The following XRCC4 variants were observed in gnomAD, a reference collection of about 807,000 sequenced individuals.
The protein encoded by XRCC4 is X-ray repair cross complementing 4.
Under a neutral mutation model 39.1 loss-of-function variants are expected in XRCC4, and 28 were observed. The observed-to-expected ratio is 0.72, with a 90% CI of 0.53 to 0.98. The LOEUF is 0.98. Among genes scored for constraint, XRCC4 ranks in the 50% least tolerant of loss-of-function variants. XRCC4 has a pLI of 0.00. For synonymous variants in XRCC4, 123 were observed against 126.4 expected (o/e 0.97, Z 0.18); for missense variants, 350 against 376.4 (o/e 0.93, Z 0.58).
chr5:83,204,797 A>G lies in XRCC4; in HGVS notation c.639-18A>G, dbSNP rs921101939. 5 of 1,595,284 alleles carry G rather than the reference A, an allele frequency of 3.1e-6. No homozygotes were observed. Among genetic ancestry groups the G allele is most frequent in the Middle Eastern group, 3.3e-4 (2 of 6,004 alleles). ...GGGTGAGCCAGTTATTTATAATTCT[A>G]CCTTTCTCTGTTTCTAGGGAAACTG... On this transcript the variant is annotated intron_variant, in intron 5 of 7. Coordinates refer to ENST00000396027, the MANE Select transcript of XRCC4 (RefSeq NM_003401.5).
chr5:83,127,647 G>C (rs1747337775), intron 3 of XRCC4, among the ~76,000 whole-genome samples: 1 of 152,032 alleles, frequency 6.6e-6, no homozygotes, highest in Non-Finnish European at 1.5e-5. Context: ...TCAACAGTGT[G>C]AGGAAATGGG....
Position 83,111,030 on chromosome 5 carries a change from T to G in XRCC4, c.142T>G (p.Ser48Ala). Reference protein sequence around the residue: ...DGHSAWTGTVSESEISQEADD... With the variant: ...DGHSAWTGTVAESEISQEADD... ...ACTTTTGTTAATATTTCCCATAGTTTCTGAATCAGAGATTTCCCAAGAAGC... is the reference window on the plus strand; with the variant it reads ...ACTTTTGTTAATATTTCCCATAGTTGCTGAATCAGAGATTTCCCAAGAAGC... The change falls in exon 3 of 8, where the codon TCT (serine) becomes GCT (alanine). Residue 48 changes from serine (S) to alanine (A), a missense_variant and splice_region_variant. By Grantham distance (99) the Ser-to-Ala change is moderately conservative (BLOSUM62 1). Transcript: ENST00000396027. 1 of 1,604,216 alleles carries G rather than the reference T, an allele frequency of 6.2e-7. No homozygotes were observed. Among genetic ancestry groups the G allele is most frequent in the East Asian group, 2.2e-5 (1 of 44,636 alleles).
chr5:83,099,326 G>C (rs1745817846), intron 1 of XRCC4, among the ~76,000 whole-genome samples: 1 of 152,092 alleles, frequency 6.6e-6, no homozygotes, highest in African/African-American at 2.4e-5. Flanking sequence ...TACTATAAAG[G>C]AAAATAAAAG....
chr5:83,251,635 G>T (rs1316144710), intron 6 of XRCC4, among the ~76,000 whole-genome samples: 1 of 152,024 alleles, frequency 6.6e-6, no homozygotes. Flanking sequence ...TACTTCTGGG[G>T]TCTGTGGTTT....
chr5:83,093,126 A>G (rs1745508490), intron 1 of XRCC4, among the ~76,000 whole-genome samples: 1 of 152,124 alleles, frequency 6.6e-6, no homozygotes, highest in Non-Finnish European at 1.5e-5. Context: ...ATGGAAAAAG[A>G]TATTCTACAC....
chr5:83,305,180 C>G (rs1755436809), intron 7 of XRCC4, among the ~76,000 whole-genome samples: 1 of 152,094 alleles, frequency 6.6e-6, no homozygotes, highest in Non-Finnish European at 1.5e-5. Context: ...ATACCTCATA[C>G]TCAGTTTCTC....
chr5:83,108,986 A>G (rs1308583396), intron 2 of XRCC4, among the ~76,000 whole-genome samples: 1 of 151,744 alleles, frequency 6.6e-6, no homozygotes, highest in African/African-American at 2.4e-5. Flanking sequence ...ATATATGAAT[A>G]TAAGCTATTT....
intron 7 of XRCC4, among the ~76,000 whole-genome samples, chr5:83,308,252 T>TA (rs536849053): frequency 2.2e-4 from 34 of 152,324 alleles, no homozygotes; most frequent in Admixed American, 6.5e-4. Context: ...AGAAAGTACT[T>TA]AATCATTCTC....
chr5:83,184,720 C>T (rs553711268), intron 3 of XRCC4, among the ~76,000 whole-genome samples: 5 of 152,198 alleles, frequency 3.3e-5, no homozygotes, highest in African/African-American at 7.2e-5. Flanking sequence ...ACAGAATCTA[C>T]GCAACAGCAA....
chr5:83,086,507 A>G (rs1408581497), intron 1 of XRCC4, among the ~76,000 whole-genome samples: 1 of 152,220 alleles, frequency 6.6e-6, no homozygotes, highest in Non-Finnish European at 1.5e-5. Context: ...GTGGAAGTCG[A>G]TCATCATAAA....
intron 3 of XRCC4, among the ~76,000 whole-genome samples, chr5:83,136,340 T>G (rs1482255035): frequency 6.6e-6 from 1 of 152,214 alleles, no homozygotes; most frequent in African/African-American, 2.4e-5. Context: ...CTGAGATATT[T>G]TCTTCCTTTC....
chr5:83,099,127 T>G (rs949623936), intron 1 of XRCC4, among the ~76,000 whole-genome samples: 1 of 152,196 alleles, frequency 6.6e-6, no homozygotes, highest in Non-Finnish European at 1.5e-5. Flanking sequence ...CAGCATATGC[T>G]GTGTGCTAAT....
At chr5:83,215,785 A>G (rs1751835910) in intron 6 of XRCC4, among the ~76,000 whole-genome samples, 1 of 152,168 alleles carries the variant, frequency 6.6e-6, no homozygotes, top group Admixed American at 6.5e-5. Flanking sequence ...AAAAACAGTT[A>G]CACAGGTGTT....
At chr5:83,350,435 T>C (rs1757044947) in intron 7 of XRCC4, among the ~76,000 whole-genome samples, 1 of 152,168 alleles carries the variant, frequency 6.6e-6, no homozygotes, top group African/African-American at 2.4e-5. Context: ...ATATTATTAT[T>C]TGACTTTTTA....
At chr5:83,281,550 C>G (rs1289676840) in intron 7 of XRCC4, among the ~76,000 whole-genome samples, 1 of 151,102 alleles carries the variant, frequency 6.6e-6, no homozygotes, top group Non-Finnish European at 1.5e-5. Flanking sequence ...AAAATTGAAA[C>G]CTTTTATGGC....
At chr5:83,119,933 G>C (rs1746917384) in intron 3 of XRCC4, among the ~76,000 whole-genome samples, 1 of 150,496 alleles carries the variant, frequency 6.6e-6, no homozygotes, top group African/African-American at 2.5e-5. Flanking sequence ...GATAAGCTAA[G>C]GTTGTGCCAG....
intron 6 of XRCC4, among the ~76,000 whole-genome samples, chr5:83,230,482 T>A (rs1429951749): frequency 2.0e-5 from 3 of 152,088 alleles, no homozygotes; most frequent in Non-Finnish European, 4.4e-5. Flanking sequence ...TCATTTCTGT[T>A]ACAAAGGAGA....
At chr5:83,213,483 A>G (rs1459425029) in intron 6 of XRCC4, among the ~76,000 whole-genome samples, 3 of 152,170 alleles carry the variant, frequency 2.0e-5, no homozygotes, top group South Asian at 2.1e-4. Context: ...TAATATAGCT[A>G]TATGAGAGCA....
intron 7 of XRCC4, among the ~76,000 whole-genome samples, chr5:83,282,221 C>T (rs1015063522): frequency 2.0e-5 from 3 of 152,132 alleles, no homozygotes; most frequent in African/African-American, 7.2e-5. Flanking sequence ...ACAATGAGTG[C>T]CTTAAAACCG....
Sources: gnomAD v4.1 joint callset for allele counts (sites outside exome capture counted in the v4.1 genomes callset) on GRCh38, gnomAD v4.1.1 for gene constraint, MANE v1.5 for transcripts, NCBI Gene and HGNC (gene_info 2026-07-23, HGNC 2026-07-21) for gene names.